PRKN: variants seen among roughly 807,000 people sequenced by gnomAD.
PRKN encodes parkin RBR E3 ubiquitin protein ligase, also known as E3 ubiquitin-protein ligase parkin.
In PRKN, 56 loss-of-function variants were observed where a neutral mutation model predicts 59.5. The ratio of observed to expected loss-of-function variants is 0.94; its 90% CI spans 0.76 to 1.18. The LOEUF (loss-of-function observed/expected upper bound fraction) is 1.18. Ranked by LOEUF, PRKN falls within the 50% of genes most tolerant of loss-of-function variation. The pLI is 0.00. For synonymous variants in PRKN, 250 were observed against 222.1 expected (o/e 1.13, Z -1.12); for missense variants, 657 against 596.4 (o/e 1.10, Z -1.06).
chr6:161,630,026 A>G (rs1582914323), intron 7 of PRKN, among the ~76,000 whole-genome samples: 1 of 152,304 alleles, frequency 6.6e-6, no homozygotes, highest in African/African-American at 2.4e-5. Context: ...AGCTGTGTCA[A>G]TGAGCTCACA....
At position 162,074,628 on chromosome 6, in the gene PRKN, TA is replaced by T. The variant is rs998839751; in HGVS notation, c.535-20455del. On this transcript the variant is annotated intron_variant, in intron 4 of 11. Coordinates refer to ENST00000366898, the MANE Select transcript of PRKN (RefSeq NM_004562.3). Reference sequence around the variant, plus strand: ...CATGTACCCTAAAACTTAAAGTATATATATAAAAAAAAGTCACATTTCTTAA... The same window carrying T: ...CATGTACCCTAAAACTTAAAGTATATTATAAAAAAAAGTCACATTTCTTAA... 6.7e-5 allele frequency among the ~76,000 whole-genome samples: 9 copies of T among 134,304 alleles called. No individual in the cohort carries two copies. The South Asian group carries it at 9.4e-4, about 14-fold the overall frequency. The allele number at this position is 134,304 out of a possible 152,430, so 88.1% of individuals were successfully genotyped here.
At position 161,550,405 on chromosome 6, in the gene PRKN, G is replaced by A. The variant is rs771988918; in HGVS notation, c.934-1402C>T. Among the ~76,000 whole-genome samples the A allele has an allele frequency of 4.6e-5, 7 of 152,268 alleles. No individual in the cohort carries two copies. The highest frequency in any genetic ancestry group is 7.3e-5 in the Non-Finnish European group (5 of 68,028). On this transcript the variant is annotated intron_variant, in intron 8 of 11. Transcript: ENST00000366898. This position sits in a 1 kb window ranked among gnomAD's most constrained non-coding sequence, Gnocchi z 4.0. ...AGACATCCACCTGGCTGCTATGTTC[G>A]GAATACCCTCTGGAGGGCCAGGGTG...
chr6:162,057,033 G>C (rs1210400600), intron 4 of PRKN, among the ~76,000 whole-genome samples: 1 of 152,058 alleles, frequency 6.6e-6, no homozygotes, highest in East Asian at 1.9e-4. Context: ...AGTCCTGCAG[G>C]CTCTCCTGGT....
intron 4 of PRKN, among the ~76,000 whole-genome samples, chr6:162,168,970 A>G (rs1406454618): frequency 6.6e-6 from 1 of 152,184 alleles, no homozygotes; most frequent in Non-Finnish European, 1.5e-5. Context: ...TTTTCTTGGA[A>G]GGTTCTTTGC....
At chr6:161,507,967 G>C (rs142638092) in intron 9 of PRKN, among the ~76,000 whole-genome samples, 113 of 152,204 alleles carry the variant, frequency 7.4e-4, no homozygotes, top group African/African-American at 2.6e-3. Context: ...TACCTTTTCT[G>C]ACACATGGGA....
At chr6:162,597,412 G>A (rs1039308822) in intron 1 of PRKN, among the ~76,000 whole-genome samples, 2 of 152,090 alleles carry the variant, frequency 1.3e-5, no homozygotes, top group Non-Finnish European at 2.9e-5. Context: ...TGGCATAACT[G>A]TTTCATATCC....
At chr6:162,148,162 C>T (rs1217079193) in intron 4 of PRKN, among the ~76,000 whole-genome samples, 4 of 152,146 alleles carry the variant, frequency 2.6e-5, no homozygotes, top group African/African-American at 4.8e-5. Context: ...AACAATTGAG[C>T]TATCCAAAAA....
chr6:162,442,656 C>T (rs1023721679), intron 2 of PRKN, among the ~76,000 whole-genome samples: 8 of 152,248 alleles, frequency 5.3e-5, no homozygotes, highest in Middle Eastern at 6.8e-3. Flanking sequence ...AAGAGAGCAT[C>T]GTTCACACTT....
At chr6:161,381,924 A>G (rs371355449) in intron 10 of PRKN, among the ~76,000 whole-genome samples, 1 of 152,144 alleles carries the variant, frequency 6.6e-6, no homozygotes, top group South Asian at 2.1e-4. Context: ...CATCCTGGCT[A>G]ACACAGTGAA....
At chr6:162,343,031 T>TA (rs1477090879) in intron 2 of PRKN, among the ~76,000 whole-genome samples, 19 of 152,134 alleles carry the variant, frequency 1.2e-4, no homozygotes, top group African/African-American at 4.6e-4. Context: ...AGGAAGAGCT[T>TA]AATGTTGACA....
At chr6:162,191,405 G>T (rs1784272265) in intron 4 of PRKN, among the ~76,000 whole-genome samples, 1 of 152,102 alleles carries the variant, frequency 6.6e-6, no homozygotes, top group South Asian at 2.1e-4. Flanking sequence ...CTATTAGGAG[G>T]CTTCTAAGAA....
intron 7 of PRKN, among the ~76,000 whole-genome samples, chr6:161,746,405 G>A (rs911916113): frequency 6.6e-6 from 1 of 151,772 alleles, no homozygotes; most frequent in Non-Finnish European, 1.5e-5. Context: ...AATTGGCTGG[G>A]TCTAAGTCCA....
chr6:162,674,371 A>G (rs1197127697), intron 1 of PRKN, among the ~76,000 whole-genome samples: 1 of 152,160 alleles, frequency 6.6e-6, no homozygotes, highest in Non-Finnish European at 1.5e-5. Flanking sequence ...ATGATGGATT[A>G]CTGAGGGGTA....
intron 6 of PRKN, among the ~76,000 whole-genome samples, chr6:161,929,224 GTATTA>G (rs1779078243): frequency 6.6e-6 from 1 of 152,056 alleles, no homozygotes; most frequent in Non-Finnish European, 1.5e-5. Context: ...AAAATCACAA[GTATTA>G]TATAATACGA....
chr6:162,571,187 TG>T, intron 1 of PRKN: 1 of 156,782 alleles, frequency 6.4e-6, no homozygotes, highest in South Asian at 1.7e-4. Flanking sequence ...TAGATGGGCG[TG>T]GTGGTGGATA....
At chr6:161,920,384 A>G (rs1346257752) in intron 6 of PRKN, among the ~76,000 whole-genome samples, 1 of 151,848 alleles carries the variant, frequency 6.6e-6, no homozygotes, top group East Asian at 1.9e-4. Context: ...ACTCTACCAG[A>G]AAAAATAAAA....
At chr6:162,568,326 C>A in intron 1 of PRKN, 1 of 323,642 alleles carries the variant, frequency 3.1e-6, no homozygotes, top group South Asian at 4.0e-5. Context: ...TTCTCTGCTC[C>A]TTCTGGAATC....
chr6:161,487,332 T>C lies in PRKN; in HGVS notation c.1083+61522A>G, dbSNP rs1232007997. Reference sequence around the variant, plus strand: ...ACTTGCCTGGTTCAGATCACACTACTGTCTCCTTCCTATACTGCCCCTTCG... The same window carrying C: ...ACTTGCCTGGTTCAGATCACACTACCGTCTCCTTCCTATACTGCCCCTTCG... On this transcript the variant is annotated intron_variant, in intron 9 of 11. Coordinates refer to ENST00000366898, the MANE Select transcript of PRKN (RefSeq NM_004562.3). This position sits in a 1 kb window ranked among gnomAD's most constrained non-coding sequence, Gnocchi z 5.3. Among the ~76,000 whole-genome samples the C allele has an allele frequency of 6.6e-6, 1 of 152,182 alleles. No homozygotes were observed. Among genetic ancestry groups the C allele is most frequent in the Non-Finnish European group, 1.5e-5 (1 of 68,034 alleles).
At chr6:162,694,812 G>A in intron 1 of PRKN, 1 of 152,184 alleles carries the variant, frequency 6.6e-6, no homozygotes, top group East Asian at 1.9e-4. Context: ...CAGGTTTCAT[G>A]CTGACATTTT....
Sources: allele counts gnomAD v4.1 joint callset (sites outside exome capture counted in the v4.1 genomes callset), GRCh38; gene constraint gnomAD v4.1.1; non-coding constraint Gnocchi (gnomAD v3.1); transcripts MANE v1.5; gene names NCBI Gene and HGNC (gene_info 2026-07-23, HGNC 2026-07-21).